Variants in B4GALNT3 observed in about 807,000 individuals in gnomAD.
B4GALNT3 encodes the protein beta-1,4-N-acetyl-galactosaminyltransferase 3.
A neutral mutation model predicts 120.2 loss-of-function variants in B4GALNT3; 86 were observed. The ratio of observed to expected loss-of-function variants is 0.72; its 90% CI spans 0.60 to 0.86. The LOEUF is 0.86. Ranked by LOEUF, B4GALNT3 falls within the 40% of genes least tolerant of loss-of-function variation. The pLI is 0.00. For synonymous variants in B4GALNT3, 518 were observed against 510.4 expected (o/e 1.01, Z -0.20); for missense variants, 1,167 against 1,298.9 (o/e 0.90, Z 1.56).
intron 9 of B4GALNT3, among the ~76,000 whole-genome samples, chr12:549,323 A>G (rs1024872863): frequency 5.9e-5 from 9 of 152,224 alleles, no homozygotes; most frequent in Non-Finnish European, 1.2e-4. Context: ...TCTCTATGCC[A>G]AAGTTCCTTA....
At chr12:537,513 T>C (rs1189321057) in intron 3 of B4GALNT3, among the ~76,000 whole-genome samples, 1 of 152,214 alleles carries the variant, frequency 6.6e-6, no homozygotes, top group Non-Finnish European at 1.5e-5. Flanking sequence ...TGCCTTGGCC[T>C]CCCAAAGTGC....
At chr12:531,989 G>A (rs1165045747) in intron 1 of B4GALNT3, among the ~76,000 whole-genome samples, 1 of 151,984 alleles carries the variant, frequency 6.6e-6, no homozygotes, top group Non-Finnish European at 1.5e-5. Flanking sequence ...AAAAAAAAGG[G>A]AGGGTCTTGT....
At chr12:541,408 C>G (rs993937688) in intron 3 of B4GALNT3, among the ~76,000 whole-genome samples, 1 of 152,200 alleles carries the variant, frequency 6.6e-6, no homozygotes, top group African/African-American at 2.4e-5. Context: ...TTGGAGTGAC[C>G]AGTGCCCCTC....
chr12:492,126 AT>A (rs1239965512), intron 1 of B4GALNT3, among the ~76,000 whole-genome samples: 1 of 152,086 alleles, frequency 6.6e-6, no homozygotes, highest in East Asian at 1.9e-4. Context: ...TGGAAGTCCT[AT>A]CTAATGCAAT....
chr12:509,905 C>T (rs962403764), intron 1 of B4GALNT3, among the ~76,000 whole-genome samples: 3 of 152,188 alleles, frequency 2.0e-5, no homozygotes, highest in Non-Finnish European at 4.4e-5. Context: ...TCCACACATA[C>T]CCTGTTTCAT....
intron 1 of B4GALNT3, among the ~76,000 whole-genome samples, chr12:512,460 TCCACCTTCCGCCCA>T (rs1946594580): frequency 7.5e-6 from 1 of 133,500 alleles, no homozygotes; most frequent in Non-Finnish European, 1.6e-5. Context: ...CCTTCCACCT[TCCACCTTCCGCCCA>T]CCTTCCACCT....
rs189808197 is a variant in B4GALNT3 at position 491,578 on chromosome 12, C to A, written c.169+31033C>A. On this transcript the variant is annotated intron_variant, in intron 1 of 19. Transcript: ENST00000266383. ...TCCTGAGCTCAAGCAATCTGCCTGCCTCGGCCTCCCAAAGTGCTGGGATTA... is the reference window on the plus strand; with the variant it reads ...TCCTGAGCTCAAGCAATCTGCCTGCATCGGCCTCCCAAAGTGCTGGGATTA... Among the ~76,000 whole-genome samples, 4 of 152,120 alleles carry A rather than the reference C, an allele frequency of 2.6e-5. No individual in the cohort carries two copies. In the East Asian group the frequency reaches 5.8e-4, roughly 22 times the overall value.
At position 561,483 on chromosome 12, in the gene B4GALNT3, C is replaced by T. The variant is rs759827327; in HGVS notation, c.*32C>T. On this transcript the variant is annotated 3_prime_UTR_variant, in exon 20 of 20. Transcript: ENST00000266383. ...GGTGTCCGCGGGGCCCAGCACTCCC[C>T]GCTCTGGACTAGCAGTGGCTCCCCA... 6.5e-5 allele frequency: 100 copies of T among 1,528,016 alleles called. No homozygotes were observed. In the East Asian group the frequency reaches 9.5e-4, roughly 15 times the overall value. The allele number at this position is 1,528,016 out of a possible 1,614,324, so 94.7% of individuals were successfully genotyped here. A position where few individuals can be genotyped will look rare whatever the true frequency, so the allele number is the denominator to read the frequency against.
Position 536,123 on chromosome 12 carries a change from C to T in B4GALNT3, c.274-95C>T, listed in dbSNP as rs573498557. 72 of 975,962 alleles carry T rather than the reference C, an allele frequency of 7.4e-5. No homozygotes were observed. The Middle Eastern group carries it at 1.7e-3, about 23-fold the overall frequency. The allele number at this position is 975,962 out of a possible 1,614,324, so 60.5% of individuals were successfully genotyped here. Reference sequence around the variant, plus strand: ...TGACAGACGGCAGCGTGCTCCGAGCCGACGCCTCCTGGGAGCAGGCACTGT... The same window carrying T: ...TGACAGACGGCAGCGTGCTCCGAGCTGACGCCTCCTGGGAGCAGGCACTGT... On this transcript the variant is annotated intron_variant, in intron 2 of 19. Transcript: ENST00000266383.
At chr12:528,818 G>T (rs1946780523) in intron 1 of B4GALNT3, among the ~76,000 whole-genome samples, 1 of 152,212 alleles carries the variant, frequency 6.6e-6, no homozygotes, top group Non-Finnish European at 1.5e-5. Context: ...TGGCATTTGT[G>T]GAACTGCGCC....
At chr12:503,460 A>G (rs988937341) in intron 1 of B4GALNT3, among the ~76,000 whole-genome samples, 3 of 152,314 alleles carry the variant, frequency 2.0e-5, no homozygotes, top group Middle Eastern at 6.8e-3. Context: ...AGGCTCTTGC[A>G]TAAAGCATTT....
In B4GALNT3 at chr12:516,430, G is replaced by A. The variant is rs547688388; in HGVS notation, c.170-18736G>A. ...TTAGGTAGAGGACATGCAAAGGCCC[G>A]GGGTACAGCATGCCTGGCATATTGG... On this transcript the variant is annotated intron_variant, in intron 1 of 19. Transcript: ENST00000266383. Among the ~76,000 whole-genome samples the A allele has an allele frequency of 7.9e-5, 12 of 152,244 alleles. No individual in the cohort carries two copies. The South Asian group carries it at 1.5e-3, about 18-fold the overall frequency.
intron 1 of B4GALNT3, among the ~76,000 whole-genome samples, chr12:533,079 G>C (rs1159202704): frequency 6.6e-6 from 1 of 152,176 alleles, no homozygotes; most frequent in Non-Finnish European, 1.5e-5. Flanking sequence ...GCAAGGCAGG[G>C]CCCATCCTCC....
chr12:527,199 A>AT (rs1345304492), intron 1 of B4GALNT3, among the ~76,000 whole-genome samples: 1 of 152,160 alleles, frequency 6.6e-6, no homozygotes, highest in Non-Finnish European at 1.5e-5. Flanking sequence ...AAGTGCTGGG[A>AT]TTACAGGCGT....
intron 1 of B4GALNT3, among the ~76,000 whole-genome samples, chr12:516,183 C>T (rs542672167): frequency 6.6e-5 from 10 of 150,804 alleles, no homozygotes; most frequent in African/African-American, 2.2e-4. Context: ...ATGGAACATA[C>T]ATTCAAAGTA....
intron 1 of B4GALNT3, among the ~76,000 whole-genome samples, chr12:518,862 A>G (rs1316524418): frequency 2.0e-5 from 3 of 152,158 alleles, no homozygotes; most frequent in Admixed American, 6.5e-5. Context: ...AATATTTTCA[A>G]TCGCTATTGG....
At chr12:534,010 C>T (rs1946833952) in intron 1 of B4GALNT3, among the ~76,000 whole-genome samples, 2 of 152,210 alleles carry the variant, frequency 1.3e-5, no homozygotes, top group Admixed American at 1.3e-4. Flanking sequence ...CTTCTGCCTA[C>T]TGTCGACTCT....
At chr12:520,646 T>G (rs1946700334) in intron 1 of B4GALNT3, among the ~76,000 whole-genome samples, 1 of 66,372 alleles carries the variant, frequency 1.5e-5, no homozygotes, top group South Asian at 7.9e-4. Context: ...TATGGGATTG[T>G]GACTAATAGT....
intron 3 of B4GALNT3, among the ~76,000 whole-genome samples, chr12:539,142 G>A (rs956638774): frequency 7.9e-5 from 12 of 152,250 alleles, no homozygotes; most frequent in Non-Finnish European, 1.2e-4. Context: ...AAGTCACTCC[G>A]GAGACTCAGC....
Sources: gnomAD v4.1 joint callset for allele counts (sites outside exome capture counted in the v4.1 genomes callset) on GRCh38, gnomAD v4.1.1 for gene constraint, MANE v1.5 for transcripts, NCBI Gene and HGNC (gene_info 2026-07-23, HGNC 2026-07-21) for gene names.